Variants in EBF4 observed in about 807,000 individuals in gnomAD.
EBF4 encodes EBF transcription factor 4, also known as transcription factor COE4.
A neutral mutation model predicts 67.1 loss-of-function variants in EBF4; 34 were observed. The observed-to-expected ratio is 0.51, with a 90% confidence interval of 0.39 to 0.67. The LOEUF (loss-of-function observed/expected upper bound fraction) is 0.67, where lower values mean the gene tolerates loss of function less well. EBF4 is among the 30% of genes least tolerant of loss of function. EBF4 has a pLI of 0.00. For missense variants in EBF4, 837 were observed against 873.3 expected (o/e 0.96, Z 0.52); for synonymous variants, 387 against 377.7 (o/e 1.02, Z -0.29).
At chr20:2,752,476 G>T (rs1015851690) in exon 14 of EBF4, 13 of 1,265,286 alleles carry the variant, frequency 1.0e-5, no homozygotes, top group South Asian at 3.0e-5. Context: ...CGCGCCGGGC[G>T]TGGCCGGCCT....
rs1163231131 is a variant in EBF4, at chr20:2,693,652, C to T, written c.7C>T (p.Pro3Ser). 6 of 1,441,210 alleles carry T rather than the reference C, an allele frequency of 4.2e-6. No homozygotes were observed. The Admixed American group carries it at 8.3e-5, about 20-fold the overall frequency. 89.3% of individuals were successfully genotyped at this position (1,441,210 alleles called of 1,614,324 possible). The change falls in exon 1 of 17, where the codon CCT (proline) becomes TCT (serine). Residue 3 changes from proline (P) to serine (S), a missense_variant. Physicochemically the swap from Pro to Ser is moderately conservative, Grantham distance 74 (BLOSUM62 -1). Coordinates refer to ENST00000609451, the Ensembl canonical transcript of EBF4. The surrounding 1 kb of genome is among the most constrained non-coding windows in gnomAD (Gnocchi z 4.6). Reference sequence around the variant, plus strand: ...TCACTCACCGCGCGCCCTCATGTTCCCTGCGCAGGACGCTCTGCCCCGCAG... The same window carrying T: ...TCACTCACCGCGCGCCCTCATGTTCTCTGCGCAGGACGCTCTGCCCCGCAG...
At chr20:2,752,674 G>A (rs1481344472) in intron 14 of EBF4, 129 bp downstream of exon 14, 3 of 825,156 alleles carry the variant, frequency 3.6e-6, no homozygotes, top group Non-Finnish European at 4.8e-6. Flanking sequence ...TCAGCCCTCG[G>A]GGTCAGGCCC....
intron 6 of EBF4, among the ~76,000 whole-genome samples, chr20:2,722,866 A>G (rs2087700210): frequency 6.6e-6 from 1 of 152,180 alleles, no homozygotes; most frequent in Non-Finnish European, 1.5e-5. Flanking sequence ...ATTTCCAAAT[A>G]TGTGGTATTT....
At chr20:2,740,656 C>T (rs1352934967) in intron 6 of EBF4, among the ~76,000 whole-genome samples, 1 of 152,086 alleles carries the variant, frequency 6.6e-6, no homozygotes, top group Non-Finnish European at 1.5e-5. Context: ...GGGTGGGATT[C>T]CTGGAAGCAG....
Position 2,751,997 on chromosome 20 carries a change from C to T in EBF4, c.1173+10C>T, listed in dbSNP as rs1191214922. The stretch of plus-strand genomic sequence containing the variant: ...GCCCGGCAGTAACCAGGTATGGCGC[C>T]TCCGCCCTCCCAGCGCCGCCGGGAC... On this transcript the variant is annotated intron_variant, in intron 12 of 16. Transcript: ENST00000609451. The surrounding 1 kb of genome is among the most constrained non-coding windows in gnomAD (Gnocchi z 5.2). 7.1e-6 allele frequency: 11 copies of T among 1,540,458 alleles called. No homozygotes were observed. The highest frequency in any genetic ancestry group is 2.1e-4 in the Middle Eastern group (1 of 4,670).
Position 2,707,654 on chromosome 20 carries a change from C to T in EBF4, c.415-293C>T, listed in dbSNP as rs867822488. On this transcript the variant is annotated intron_variant, in intron 4 of 16. Coordinates refer to ENST00000609451, the Ensembl canonical transcript of EBF4. The surrounding 1 kb of genome is among the most constrained non-coding windows in gnomAD (Gnocchi z 4.6). The stretch of plus-strand genomic sequence containing the variant: ...ACCCCACCAGCCACCTGACCTTTGT[C>T]CTGGCACCCTGAGGAACCCCCTGCC... Among the ~76,000 whole-genome samples the T allele has an allele frequency of 6.6e-6, 1 of 152,122 alleles. No homozygotes were observed. Among genetic ancestry groups the T allele is most frequent in the Non-Finnish European group, 1.5e-5 (1 of 68,016 alleles).
chr20:2,725,837 G>C (rs1327976911), intron 6 of EBF4, among the ~76,000 whole-genome samples: 2 of 152,190 alleles, frequency 1.3e-5, no homozygotes, highest in African/African-American at 2.4e-5. Context: ...GTACAGTTCT[G>C]ATATTTGTGT....
intron 1 of EBF4, among the ~76,000 whole-genome samples, chr20:2,704,758 C>A (rs528368495): frequency 1.4e-4 from 22 of 152,350 alleles, no homozygotes; most frequent in African/African-American, 4.8e-4. Flanking sequence ...TCTCTGTCTC[C>A]CCTCTTCCAG....
chr20:2,755,917 GTGCCTCATGC>G lies in EBF4; in HGVS notation c.1738+96_1738+105del. 1 of 1,241,848 alleles carries G rather than the reference GTGCCTCATGC, an allele frequency of 8.1e-7. No individual in the cohort carries two copies. The highest frequency in any genetic ancestry group is 1.1e-6 in the Non-Finnish European group (1 of 909,166). 76.9% of individuals were successfully genotyped at this position (1,241,848 alleles called of 1,614,324 possible). On this transcript the variant is annotated intron_variant, in intron 15 of 16. Coordinates refer to ENST00000609451, the Ensembl canonical transcript of EBF4. This position sits in a 1 kb window ranked among gnomAD's most constrained non-coding sequence, Gnocchi z 4.7. ...GGCCTGCTCTGTCCACATCTCACCA[GTGCCTCATGC>G]TGGCTAACCTGCTCTTCTTGGAGGA...
At chr20:2,740,411 T>C (rs988969826) in intron 6 of EBF4, among the ~76,000 whole-genome samples, 2 of 152,254 alleles carry the variant, frequency 1.3e-5, no homozygotes, top group Non-Finnish European at 1.5e-5. Flanking sequence ...GCGTGGCTAA[T>C]GCATATCATT....
chr20:2,697,264 G>T (rs1253689327), intron 1 of EBF4, among the ~76,000 whole-genome samples: 1 of 152,116 alleles, frequency 6.6e-6, no homozygotes, highest in East Asian at 1.9e-4. Flanking sequence ...GGGTAGGGAG[G>T]GCCGGGTGCG....
chr20:2,693,910 C>A lies in EBF4; in HGVS notation c.137+128C>A. On this transcript the variant is annotated intron_variant, in intron 1 of 16. Coordinates refer to ENST00000609451, the Ensembl canonical transcript of EBF4. This position sits in a 1 kb window ranked among gnomAD's most constrained non-coding sequence, Gnocchi z 4.6. ...ACTCTGGACGGTCCCGGCGAGCTCC[C>A]CGGCCCACCCCGTCCGGAGTGCCTG... 1 of 1,177,036 alleles carries A rather than the reference C, an allele frequency of 8.5e-7. No individual in the cohort carries two copies. Among genetic ancestry groups the A allele is most frequent in the Non-Finnish European group, 1.1e-6 (1 of 936,680 alleles). 72.9% of individuals were successfully genotyped at this position (1,177,036 alleles called of 1,614,324 possible). A position where few individuals can be genotyped will look rare whatever the true frequency, so the allele number is the denominator to read the frequency against.
chr20:2,749,606 C>A lies in EBF4; in HGVS notation c.758-14C>A. ...AGCGCGGTCCCCTGACCTGGGTCCT[C>A]TCCTGCCTCCCAGCTGCCACCCCCT... On this transcript the variant is annotated splice_polypyrimidine_tract_variant and intron_variant, in intron 8 of 16. Transcript: ENST00000609451. The A allele has an allele frequency of 6.4e-7, 1 of 1,552,468 alleles. No individual in the cohort carries two copies. Among genetic ancestry groups the A allele is most frequent in the South Asian group, 1.2e-5 (1 of 84,186 alleles).
At chr20:2,716,511 A>G (rs1022934716) in intron 6 of EBF4, among the ~76,000 whole-genome samples, 11 of 150,396 alleles carry the variant, frequency 7.3e-5, no homozygotes, top group Non-Finnish European at 1.6e-4. Flanking sequence ...CCTGGGCGAC[A>G]AGAGTGAAAC....
At chr20:2,705,399 A>G (rs1470957140) in intron 1 of EBF4, among the ~76,000 whole-genome samples, 178 bp from the exon 2 acceptor site, 1 of 152,128 alleles carries the variant, frequency 6.6e-6, no homozygotes, top group African/African-American at 2.4e-5. Flanking sequence ...AGAGACCTCT[A>G]TCTGGAAGCG....
chr20:2,740,219 G>A (rs572002168), intron 6 of EBF4, among the ~76,000 whole-genome samples: 6 of 152,202 alleles, frequency 3.9e-5, no homozygotes, highest in Admixed American at 1.3e-4. Context: ...AGGCTGAGGC[G>A]GGAGAATCGC....
Position 2,697,407 on chromosome 20 carries a change from T to C in EBF4, c.137+3625T>C, listed in dbSNP as rs1320771657. On this transcript the variant is annotated intron_variant, in intron 1 of 16. Coordinates refer to ENST00000609451, the Ensembl canonical transcript of EBF4. ...AAAAATACAAAAAATTAGCCGGGCG[T>C]GGTGGCGGGCGCCTGTAGTCCCAGC... Among the ~76,000 whole-genome samples, 3 of 151,532 alleles carry C rather than the reference T, an allele frequency of 2.0e-5. No individual in the cohort carries two copies. In the East Asian group the frequency reaches 5.9e-4, roughly 30 times the overall value.
chr20:2,729,933 T>C (rs2087791950), intron 6 of EBF4, among the ~76,000 whole-genome samples: 1 of 152,138 alleles, frequency 6.6e-6, no homozygotes, highest in South Asian at 2.1e-4. Context: ...ACCTCCAGCC[T>C]CAGAGCCACT....
chr20:2,740,110 C>T (rs2146471493), intron 6 of EBF4, among the ~76,000 whole-genome samples: 1 of 152,330 alleles, frequency 6.6e-6, no homozygotes, highest in South Asian at 2.1e-4. Context: ...GTCAGGAGTT[C>T]ATGACCAGCC....
Sources: gnomAD v4.1 joint callset for allele counts (sites outside exome capture counted in the v4.1 genomes callset) on GRCh38, gnomAD v4.1.1 for gene constraint, Gnocchi (gnomAD v3.1) non-coding constraint, MANE v1.5 for transcripts, NCBI Gene and HGNC (gene_info 2026-07-23, HGNC 2026-07-21) for gene names.